Variants in FBLN5 observed in about 807,000 individuals in gnomAD.
FBLN5 encodes fibulin 5, also known as fibulin-5.
A neutral mutation model predicts 61.6 loss-of-function variants in FBLN5; 24 were observed. The observed-to-expected ratio is 0.39, with a 90% CI of 0.28 to 0.55. The LOEUF is 0.55. Ranked by LOEUF, FBLN5 falls within the 20% of genes least tolerant of loss-of-function variation. The pLI is 0.65. For missense variants in FBLN5, 470 were observed against 594.1 expected, an observed-to-expected ratio of 0.79 and a Z score of 2.17; for synonymous variants, 213 against 219.8, an observed-to-expected ratio of 0.97 and a Z score of 0.27.
chr14:91,946,719 C>G (rs907547064), intron 1 of FBLN5: 1 of 1,535,542 alleles, frequency 6.5e-7, no homozygotes, highest in African/African-American at 1.4e-5. Flanking sequence ...ACATGTATCT[C>G]TGTCTGCAGT....
In FBLN5 at chr14:91,891,232, C is replaced by A; in HGVS notation, c.608G>T (p.Arg203Met). Reference sequence around the variant, plus strand: ...TGCACGTCACATACCTTGGCAAGACCTTCCATCCTCATTGAGGGTAAAACC... The same window carrying A: ...TGCACGTCACATACCTTGGCAAGACATTCCATCCTCATTGAGGGTAAAACC... ...NPGFTLNEDGRSCQDVNECAT... is the reference protein window; with the variant it reads ...NPGFTLNEDGMSCQDVNECAT... The change falls in exon 6 of 11, where the codon AGG becomes ATG. Residue 203 changes from arginine (R) to methionine (M), a missense_variant. Physicochemically the swap from Arg to Met is moderately conservative, Grantham distance 91. Coordinates refer to ENST00000342058, the MANE Select transcript of FBLN5 (RefSeq NM_006329.4). 1 of 1,602,532 alleles carries A rather than the reference C, an allele frequency of 6.2e-7. No homozygotes were observed. The highest frequency in any genetic ancestry group is 8.6e-7 in the Non-Finnish European group (1 of 1,169,394).
chr14:91,927,370 A>T (rs2055846981), intron 4 of FBLN5, among the ~76,000 whole-genome samples: 1 of 152,192 alleles, frequency 6.6e-6, no homozygotes, highest in Non-Finnish European at 1.5e-5. Flanking sequence ...TGCAGACACC[A>T]TCCACATAAA....
At chr14:91,946,985 G>T in intron 1 of FBLN5, 1 of 1,477,944 alleles carries the variant, frequency 6.8e-7, no homozygotes, top group Non-Finnish European at 8.9e-7. Flanking sequence ...CTCTGATGCT[G>T]GCTTTTGAAA....
Position 91,943,938 on chromosome 14 carries a change from C to T in FBLN5, c.18-977G>A, listed in dbSNP as rs1012344386. Among the ~76,000 whole-genome samples the T allele has an allele frequency of 1.3e-5, 2 of 152,198 alleles. No individual in the cohort carries two copies. Among genetic ancestry groups the T allele is most frequent in the Admixed American group, 1.3e-4 (2 of 15,284 alleles). ...TCACGCACCCTGGGCTCAGTTCTGCCATGCACAAGACAGTGATGCTCTGGG... is the reference window on the plus strand; with the variant it reads ...TCACGCACCCTGGGCTCAGTTCTGCTATGCACAAGACAGTGATGCTCTGGG... On this transcript the variant is annotated intron_variant, in intron 1 of 10. Coordinates refer to ENST00000342058, the MANE Select transcript of FBLN5 (RefSeq NM_006329.4). The surrounding 1 kb of genome is among the most constrained non-coding windows in gnomAD (Gnocchi z 4.0).
intron 4 of FBLN5, among the ~76,000 whole-genome samples, chr14:91,936,138 C>T (rs2056011250): frequency 6.6e-6 from 1 of 151,994 alleles, no homozygotes; most frequent in Non-Finnish European, 1.5e-5. Context: ...TTGGGACAAA[C>T]AAAAATGGGA....
chr14:91,880,194 C>T (rs189968189), intron 9 of FBLN5, among the ~76,000 whole-genome samples: 5 of 152,088 alleles, frequency 3.3e-5, no homozygotes, highest in Admixed American at 2.6e-4. Context: ...CACCTCAATA[C>T]TCAACTCTCC....
chr14:91,903,399 C>G (rs1041222922), intron 4 of FBLN5, among the ~76,000 whole-genome samples: 1 of 152,144 alleles, frequency 6.6e-6, no homozygotes, highest in African/African-American at 2.4e-5. Flanking sequence ...CCTGACTACC[C>G]ATAAAGAGAT....
chr14:91,920,719 T>C (rs2055718796), intron 4 of FBLN5, among the ~76,000 whole-genome samples: 1 of 151,964 alleles, frequency 6.6e-6, no homozygotes, highest in Non-Finnish European at 1.5e-5. Flanking sequence ...TATGCAGGAG[T>C]TGCCAACCCT....
At chr14:91,871,137 C>T (rs1241987277) in intron 10 of FBLN5, among the ~76,000 whole-genome samples, 1 of 148,162 alleles carries the variant, frequency 6.7e-6, no homozygotes, top group African/African-American at 2.5e-5. Flanking sequence ...CCAACATGCA[C>T]ATGTACTCTT....
chr14:91,889,886 G>A (rs935481175), intron 6 of FBLN5, among the ~76,000 whole-genome samples: 31 of 152,214 alleles, frequency 2.0e-4, no homozygotes, highest in African/African-American at 6.5e-4. Flanking sequence ...CCTGAAAGAC[G>A]CAGGCACCTT....
At chr14:91,930,945 C>G (rs1462841064) in intron 4 of FBLN5, among the ~76,000 whole-genome samples, 1 of 152,218 alleles carries the variant, frequency 6.6e-6, no homozygotes, top group Non-Finnish European at 1.5e-5. Context: ...TTTTCAGACT[C>G]TGTGACTCTT....
intron 1 of FBLN5, among the ~76,000 whole-genome samples, chr14:91,945,915 A>T (rs558274166): frequency 6.6e-6 from 1 of 152,014 alleles, no homozygotes; most frequent in East Asian, 1.9e-4. Context: ...TAACAAATTT[A>T]TTTTCCAGTC....
At chr14:91,929,580 T>C (rs567913186) in intron 4 of FBLN5, among the ~76,000 whole-genome samples, 1 of 152,374 alleles carries the variant, frequency 6.6e-6, no homozygotes, top group East Asian at 1.9e-4. Flanking sequence ...CTCATCCCTT[T>C]ACCACTACAC....
At chr14:91,890,560 C>A (rs1889945294) in intron 6 of FBLN5, among the ~76,000 whole-genome samples, 1 of 152,246 alleles carries the variant, frequency 6.6e-6, no homozygotes, top group African/African-American at 2.4e-5. Context: ...CAGAAGAAAC[C>A]TTCAGATGGA....
chr14:91,927,237 A>T (rs1466558314), intron 4 of FBLN5, among the ~76,000 whole-genome samples: 3 of 152,188 alleles, frequency 2.0e-5, no homozygotes, highest in African/African-American at 7.2e-5. Flanking sequence ...AATGCCTTGC[A>T]TTCATATGGT....
intron 4 of FBLN5, among the ~76,000 whole-genome samples, chr14:91,906,915 T>C (rs1037499398): frequency 7.9e-5 from 12 of 152,222 alleles, no homozygotes; most frequent in African/African-American, 2.9e-4. Flanking sequence ...CCTGTCTGTT[T>C]ACAGTCTAGT....
intron 2 of FBLN5, among the ~76,000 whole-genome samples, 193 bp downstream of exon 2, chr14:91,942,714 G>C (rs1221483306): frequency 2.6e-5 from 4 of 152,132 alleles, no homozygotes; most frequent in Non-Finnish European, 5.9e-5. Flanking sequence ...TCACTTACAA[G>C]TCATGTCACC....
At chr14:91,932,428 G>A (rs73341708) in intron 4 of FBLN5, among the ~76,000 whole-genome samples, 6,370 of 152,260 alleles carry the variant, frequency 0.042, 425 homozygotes, top group African/African-American at 0.14. Context: ...CCCAGGTGCT[G>A]AGCCCGGCCC....
intron 9 of FBLN5, among the ~76,000 whole-genome samples, chr14:91,881,066 T>C (rs551461458): frequency 3.9e-5 from 6 of 152,252 alleles, no homozygotes; most frequent in African/African-American, 1.4e-4. Context: ...ATGTGCAATG[T>C]ACTCTGATAT....
Sources: allele counts gnomAD v4.1 joint callset (sites outside exome capture counted in the v4.1 genomes callset), GRCh38; gene constraint gnomAD v4.1.1; non-coding constraint Gnocchi (gnomAD v3.1); transcripts MANE v1.5; gene names NCBI Gene and HGNC (gene_info 2026-07-23, HGNC 2026-07-21).